Variants in PIGK observed in about 807,000 individuals in gnomAD.
PIGK encodes the protein phosphatidylinositol glycan anchor biosynthesis class K.
Under a neutral mutation model 50.6 loss-of-function variants are expected in PIGK, and 42 were observed. The observed-to-expected ratio is 0.83, with a 90% CI of 0.65 to 1.07. PIGK has a LOEUF of 1.07. Among genes scored for constraint, PIGK ranks in the 50% least tolerant of loss-of-function variants. PIGK has a pLI of 0.00. For missense variants in PIGK, 448 were observed against 488.7 expected, an observed-to-expected ratio of 0.92 and a Z score of 0.78; for synonymous variants, 151 against 156.0, an observed-to-expected ratio of 0.97 and a Z score of 0.24.
rs1374671310 is a variant in PIGK, at chr1:77,091,179, CT to C, written c.*1194del. 6.6e-6 allele frequency: 1 copy of C among 152,112 alleles called. No individual in the cohort carries two copies. Among genetic ancestry groups the C allele is most frequent in the African/African-American group, 2.4e-5 (1 of 41,432 alleles). 9.4% of individuals were successfully genotyped at this position (152,112 alleles called of 1,614,324 possible). On this transcript the variant is annotated 3_prime_UTR_variant, in exon 11 of 11. Coordinates refer to ENST00000370812, the MANE Select transcript of PIGK (RefSeq NM_005482.3). The stretch of plus-strand genomic sequence containing the variant: ...TATCCCCCCAGACATAAATACTTAA[CT>C]TTTAGGCTTTTCCTCTACTCATATG...
intron 10 of PIGK, among the ~76,000 whole-genome samples, chr1:77,116,361 G>A (rs35742892): frequency 0.043 from 6,446 of 151,518 alleles, 249 homozygotes; most frequent in Admixed American, 0.12. Context: ...TTTTTTTTGT[G>A]TTTTTAGTAG....
chr1:77,175,328 T>G (rs563428515), intron 3 of PIGK, among the ~76,000 whole-genome samples: 101 of 152,232 alleles, frequency 6.6e-4, no homozygotes, highest in African/African-American at 2.3e-3. Flanking sequence ...GGATCCTGTA[T>G]GGTAAATTCT....
intron 10 of PIGK, among the ~76,000 whole-genome samples, chr1:77,115,695 A>G (rs1038112284): frequency 6.6e-6 from 1 of 152,228 alleles, no homozygotes; most frequent in Admixed American, 6.5e-5. Context: ...AAGACTTTGC[A>G]AGATAATCTT....
intron 9 of PIGK, among the ~76,000 whole-genome samples, chr1:77,146,126 T>C (rs984067851): frequency 2.0e-5 from 3 of 152,086 alleles, no homozygotes; most frequent in African/African-American, 4.8e-5. Context: ...CTGGAATATT[T>C]GGATGTCCAT....
chr1:77,152,242 A>G (rs1192857009), intron 9 of PIGK, among the ~76,000 whole-genome samples: 1 of 152,128 alleles, frequency 6.6e-6, no homozygotes, highest in Admixed American at 6.6e-5. Context: ...CCAAGAATAT[A>G]CATTGGGAAA....
At chr1:77,195,470 A>G in intron 3 of PIGK, 1 of 849,136 alleles carries the variant, frequency 1.2e-6, no homozygotes, top group South Asian at 2.2e-5. Flanking sequence ...TGACTCAGAA[A>G]AAAAGAAAAG....
chr1:77,146,502 A>C (rs886078567), intron 9 of PIGK, among the ~76,000 whole-genome samples: 3 of 152,108 alleles, frequency 2.0e-5, no homozygotes, highest in Non-Finnish European at 4.4e-5. Context: ...TCTCTAAAAA[A>C]AATGTAAAAG....
intron 9 of PIGK, among the ~76,000 whole-genome samples, chr1:77,126,235 T>C (rs1208473812): frequency 6.6e-6 from 1 of 152,238 alleles, no homozygotes; most frequent in East Asian, 1.9e-4. Context: ...TCTGTGTGTG[T>C]GTAATTTACT....
intron 1 of PIGK, 107 bp downstream of exon 1, chr1:77,219,203 G>C (rs1656660201): frequency 1.2e-6 from 1 of 861,260 alleles, no homozygotes; most frequent in African/African-American, 1.7e-5. Flanking sequence ...GCCTGGGTCA[G>C]GGGCTGATTG....
At chr1:77,180,831 AG>A (rs1655595142) in intron 3 of PIGK, among the ~76,000 whole-genome samples, 1 of 152,052 alleles carries the variant, frequency 6.6e-6, no homozygotes, top group South Asian at 2.1e-4. Context: ...CAGCGAGCAG[AG>A]GGGTGACTTT....
At chr1:77,111,200 G>A (rs1388288269) in intron 10 of PIGK, among the ~76,000 whole-genome samples, 5 of 152,250 alleles carry the variant, frequency 3.3e-5, no homozygotes, top group Admixed American at 6.5e-5. Flanking sequence ...ACAGTGTGGC[G>A]ACTCATCAGG....
chr1:77,159,676 G>A (rs1293370731), intron 8 of PIGK, among the ~76,000 whole-genome samples: 2 of 152,224 alleles, frequency 1.3e-5, no homozygotes, highest in Non-Finnish European at 2.9e-5. Context: ...GAACTTTAAG[G>A]TTTAATGACT....
intron 3 of PIGK, among the ~76,000 whole-genome samples, chr1:77,204,187 T>C (rs1317735437): frequency 1.3e-5 from 2 of 152,088 alleles, no homozygotes; most frequent in Non-Finnish European, 2.9e-5. Context: ...AGAAAGAGAA[T>C]GCATTCCTAG....
chr1:77,218,609 A>T (rs1656641213), intron 1 of PIGK, among the ~76,000 whole-genome samples: 1 of 152,170 alleles, frequency 6.6e-6, no homozygotes, highest in East Asian at 1.9e-4. Flanking sequence ...CGGATTTTCA[A>T]ATGTCTCCTG....
intron 2 of PIGK, among the ~76,000 whole-genome samples, chr1:77,210,172 A>G (rs960487756): frequency 2.6e-5 from 4 of 152,064 alleles, no homozygotes; most frequent in Non-Finnish European, 5.9e-5. Context: ...TACCTCTTAT[A>G]AAATGTTTCC....
chr1:77,187,785 G>A (rs1401011641), intron 3 of PIGK, among the ~76,000 whole-genome samples: 2 of 152,220 alleles, frequency 1.3e-5, no homozygotes, highest in African/African-American at 4.8e-5. Flanking sequence ...ACCTGTTGCG[G>A]GAAGTCAGGG....
intron 9 of PIGK, among the ~76,000 whole-genome samples, chr1:77,137,855 C>A (rs1026540936): frequency 6.6e-6 from 1 of 152,174 alleles, no homozygotes; most frequent in South Asian, 2.1e-4. Flanking sequence ...TTGTCCACCT[C>A]GGCCTCCCAA....
At chr1:77,216,593 A>AAT (rs1036539423) in intron 1 of PIGK, among the ~76,000 whole-genome samples, 52 of 152,202 alleles carry the variant, frequency 3.4e-4, no homozygotes, top group African/African-American at 1.2e-3. Flanking sequence ...AATATAGAAT[A>AAT]ATAACCTGAA....
At chr1:77,095,188 C>G (rs1275736918) in intron 10 of PIGK, among the ~76,000 whole-genome samples, 1 of 152,106 alleles carries the variant, frequency 6.6e-6, no homozygotes, top group Non-Finnish European at 1.5e-5. Context: ...CTAGTGCAGT[C>G]TCTCCCACCT....
Sources: gnomAD v4.1 joint callset for allele counts (sites outside exome capture counted in the v4.1 genomes callset) on GRCh38, gnomAD v4.1.1 for gene constraint, MANE v1.5 for transcripts, NCBI Gene and HGNC (gene_info 2026-07-23, HGNC 2026-07-21) for gene names.